The following ARL10 variants were observed in gnomAD, a reference collection of about 807,000 sequenced individuals.
ARL10 encodes ARF like GTPase 10.
Under a neutral mutation model 26.1 loss-of-function variants are expected in ARL10, and 23 were observed. The ratio of observed to expected loss-of-function variants is 0.88; its 90% confidence interval spans 0.63 to 1.25. The LOEUF is 1.25. ARL10 is among the 50% of genes most tolerant of loss of function. The pLI, the probability that ARL10 is intolerant of heterozygous loss-of-function variation, is 0.00. For missense variants in ARL10, 300 were observed against 323.6 expected, an observed-to-expected ratio of 0.93 and a Z score of 0.56; for synonymous variants, 138 against 149.1, an observed-to-expected ratio of 0.93 and a Z score of 0.54.
chr5:176,371,115 C>G (rs896338359), intron 3 of ARL10, among the ~76,000 whole-genome samples: 1 of 152,228 alleles, frequency 6.6e-6, no homozygotes, highest in Admixed American at 6.5e-5. Flanking sequence ...TGGCTCATGC[C>G]TGTAATCCCA....
At position 176,372,723 on chromosome 5, in the gene ARL10, A is replaced by G. The variant is rs1451191899; in HGVS notation, c.*828A>G. On this transcript the variant is annotated 3_prime_UTR_variant, in exon 4 of 4. Transcript: ENST00000310389. ...GCCAGTGCCCATGTTTACAGAAGTC[A>G]GGGGAAGGAAGGAGCCTGTGTCCCT... 5.1e-6 allele frequency: 2 copies of G among 395,360 alleles called. No individual in the cohort carries two copies. The highest frequency in any genetic ancestry group is 4.4e-5 in the Admixed American group (1 of 22,628). 24.5% of individuals were successfully genotyped at this position (395,360 alleles called of 1,614,324 possible).
the ARL10 span, among the ~76,000 whole-genome samples, chr5:176,412,786 G>T: frequency 6.6e-6 from 1 of 152,140 alleles, no homozygotes; most frequent in African/African-American, 2.4e-5. Context: ...TCCTGCATGG[G>T]TGTCCTGGCC....
At chr5:176,365,955 G>A (rs1157548384) in intron 1 of ARL10, among the ~76,000 whole-genome samples, 1 of 152,206 alleles carries the variant, frequency 6.6e-6, no homozygotes, top group Non-Finnish European at 1.5e-5. Flanking sequence ...GGGTGCGTGC[G>A]GCGCCTTGGC....
At chr5:176,401,615 C>T in intron 1 of ARL10, 1 of 407,340 alleles carries the variant, frequency 2.5e-6, no homozygotes, top group Non-Finnish European at 5.0e-6. Flanking sequence ...GCATCGAGAC[C>T]TCAGCCTTTA....
chr5:176,372,919 T>C lies in ARL10; in HGVS notation c.*1024T>C, dbSNP rs1015862646. 2.5e-6 allele frequency: 1 copy of C among 398,594 alleles called. No individual in the cohort carries two copies. The highest frequency in any genetic ancestry group is 2.1e-5 in the African/African-American group (1 of 48,652). 24.7% of individuals were successfully genotyped at this position (398,594 alleles called of 1,614,324 possible). On this transcript the variant is annotated 3_prime_UTR_variant, in exon 4 of 4. Transcript: ENST00000310389. ...TTAGGAAAATAGCTGGAATCATGAA[T>C]GACAATGAGATAACATACAGATGTC... is the stretch of plus-strand genomic sequence containing the variant.
chr5:176,374,017 C>T lies in ARL10; in HGVS notation c.*2122C>T, dbSNP rs1369986157. ...TAGGCTACATTTATAGCCAGAGAAA[C>T]GAAAATAACTTAGGTTGCCTGATTG... is the stretch of plus-strand genomic sequence containing the variant. On this transcript the variant is annotated 3_prime_UTR_variant, in exon 4 of 4. Transcript: ENST00000310389. 2 of 152,120 alleles carry T rather than the reference C, an allele frequency of 1.3e-5. No individual in the cohort carries two copies. The highest frequency in any genetic ancestry group is 2.1e-4 in the South Asian group (1 of 4,832). 9.4% of individuals were successfully genotyped at this position (152,120 alleles called of 1,614,324 possible).
chr5:176,404,859 C>A (rs1757028033), downstream of ARL10, among the ~76,000 whole-genome samples: 1 of 152,228 alleles, frequency 6.6e-6, no homozygotes, highest in East Asian at 1.9e-4. Context: ...CCCACATCCC[C>A]CTGGGCAGCC....
rs549015608 is a variant in ARL10 at position 176,368,410 on chromosome 5, G to C, written c.386-397G>C. Among the ~76,000 whole-genome samples, 1 of 152,092 alleles carries C rather than the reference G, an allele frequency of 6.6e-6. No individual in the cohort carries two copies. The highest frequency in any genetic ancestry group is 1.5e-5 in the Non-Finnish European group (1 of 68,014). ...GCAAAGCCAGACAACCCAGGGGAGAGAACTGAAGACTTCCATTTACTGAGC... is the reference window on the plus strand; with the variant it reads ...GCAAAGCCAGACAACCCAGGGGAGACAACTGAAGACTTCCATTTACTGAGC... On this transcript the variant is annotated intron_variant, in intron 2 of 3. Coordinates refer to ENST00000310389, the MANE Select transcript of ARL10 (RefSeq NM_173664.6). This position sits in a 1 kb window ranked among gnomAD's most constrained non-coding sequence, Gnocchi z 4.1.
chr5:176,375,283 T>TCCACCCAC lies in ARL10; in HGVS notation c.*3395_*3396insCCCACCCA, dbSNP rs56891986. ...ATCCACCCATCCACCCATCCATCCA[T>TCCACCCAC]CCACCCATCCATCCATCCATCCATC... On this transcript the variant is annotated 3_prime_UTR_variant, in exon 4 of 4. Coordinates refer to ENST00000310389, the MANE Select transcript of ARL10 (RefSeq NM_173664.6). 3 of 55,660 alleles carry TCCACCCAC rather than the reference T, an allele frequency of 5.4e-5. No individual in the cohort carries two copies. Among genetic ancestry groups the TCCACCCAC allele is most frequent in the Admixed American group, 1.7e-4 (1 of 5,788 alleles). 3.4% of individuals were successfully genotyped at this position (55,660 alleles called of 1,614,324 possible). A position where few individuals can be genotyped will look rare whatever the true frequency, so the allele number is the denominator to read the frequency against.
Position 176,374,101 on chromosome 5 carries a change from G to A in ARL10, c.*2206G>A, listed in dbSNP as rs528652164. The A allele has an allele frequency of 6.6e-6, 1 of 152,294 alleles. No homozygotes were observed. The highest frequency in any genetic ancestry group is 2.1e-4 in the South Asian group (1 of 4,816). 9.4% of individuals were successfully genotyped at this position (152,294 alleles called of 1,614,324 possible). ...TTTTAGCAGCCTTCAGCCGACGATT[G>A]ACTGAAGGTTTGGCTGCTGTGATTG... On this transcript the variant is annotated 3_prime_UTR_variant, in exon 4 of 4. Transcript: ENST00000310389.
downstream of ARL10, among the ~76,000 whole-genome samples, chr5:176,382,293 C>T (rs540446651): frequency 6.6e-6 from 1 of 152,332 alleles, no homozygotes; most frequent in East Asian, 1.9e-4. Context: ...CATCTCAGAA[C>T]GATCTAGCCT....
At chr5:176,384,028 C>T (rs1360304865), downstream of ARL10, 2 of 1,540,988 alleles carry the variant, frequency 1.3e-6, no homozygotes, top group Admixed American at 2.0e-5. Flanking sequence ...TTCCGTGAAC[C>T]CCCAGATGAA....
At chr5:176,410,758 G>A in the ARL10 span, among the ~76,000 whole-genome samples, 5 of 117,894 alleles carry the variant, frequency 4.2e-5, no homozygotes, top group Admixed American at 4.4e-4. Context: ...AGGGGCCTAC[G>A]CGTCTCTGCC....
chr5:176,371,378 G>A (rs552362924), intron 3 of ARL10, among the ~76,000 whole-genome samples: 7 of 152,144 alleles, frequency 4.6e-5, no homozygotes, highest in Non-Finnish European at 7.3e-5. Flanking sequence ...GCAAAACTCC[G>A]TCTCAAAACA....
At chr5:176,408,813 C>A in the ARL10 span, among the ~76,000 whole-genome samples, 3 of 152,202 alleles carry the variant, frequency 2.0e-5, no homozygotes, top group Admixed American at 6.5e-5. Flanking sequence ...AGCCGCCGTG[C>A]CCGGCTGGGT....
chr5:176,409,516 T>C, the ARL10 span, among the ~76,000 whole-genome samples: 1 of 148,992 alleles, frequency 6.7e-6, no homozygotes, highest in South Asian at 2.1e-4. Context: ...TGGGTTCAAG[T>C]GATTCTCCTG....
downstream of ARL10, chr5:176,385,917 G>A (rs1755809451): frequency 6.6e-6 from 1 of 152,630 alleles, no homozygotes; most frequent in Non-Finnish European, 1.5e-5. Flanking sequence ...TAGAAAGAGA[G>A]AGAAAGAGCT....
chr5:176,402,580 C>T (rs928147904), downstream of ARL10, among the ~76,000 whole-genome samples: 79 of 152,228 alleles, frequency 5.2e-4, no homozygotes, highest in Non-Finnish European at 9.7e-4. Context: ...TGTCCTCCCC[C>T]TTCCCTCCCT....
chr5:176,366,431 G>C lies in ARL10; in HGVS notation c.235G>C (p.Glu79Gln). 2 of 1,613,154 alleles carry C rather than the reference G, an allele frequency of 1.2e-6. No homozygotes were observed. Among genetic ancestry groups the C allele is most frequent in the Non-Finnish European group, 1.7e-6 (2 of 1,179,918 alleles). The change falls in exon 2 of 4, where the codon GAG (glutamate) becomes CAG (glutamine). Residue 79 changes from glutamate (E) to glutamine (Q), a missense_variant. Transcript: ENST00000310389. ...EPALEELEQR[E>Q]VLVLGLDGAG... ...GGCGCTGGAGGAGCTGGAACAGCGC[G>C]AGGTGCTGGTGCTGGGGCTGGATGG...
Sources: gnomAD v4.1 joint callset for allele counts (sites outside exome capture counted in the v4.1 genomes callset) on GRCh38, gnomAD v4.1.1 for gene constraint, Gnocchi (gnomAD v3.1) non-coding constraint, MANE v1.5 for transcripts, NCBI Gene and HGNC (gene_info 2026-07-23, HGNC 2026-07-21) for gene names.